Variants in ARHGAP10 observed in about 807,000 individuals in gnomAD.
ARHGAP10 encodes rho GTPase-activating protein 10.
A neutral mutation model predicts 108.6 loss-of-function variants in ARHGAP10; 87 were observed. The ratio of observed to expected loss-of-function variants is 0.80; its 90% CI spans 0.67 to 0.96. The LOEUF is 0.96. Ranked by LOEUF, ARHGAP10 falls within the 40% of genes least tolerant of loss-of-function variation. The pLI is 0.00. For synonymous variants in ARHGAP10, 347 were observed against 341.1 expected, an observed-to-expected ratio of 1.02 and a Z score of -0.19; for missense variants, 939 against 954.5, an observed-to-expected ratio of 0.98 and a Z score of 0.21.
rs146039785 is a variant in ARHGAP10, at chr4:147,734,327, T to A, written c.154+1872T>A. ...CAGCCAGTGCATCTGGGGGGCCAGA[T>A]GTCAGCTTTCCTCCAGACTGTAGAC... On this transcript the variant is annotated intron_variant, in intron 1 of 22. Coordinates refer to ENST00000336498, the MANE Select transcript of ARHGAP10 (RefSeq NM_024605.4). 3.9e-3 allele frequency among the ~76,000 whole-genome samples: 587 copies of A among 152,316 alleles called. 5 individuals carry two copies. The highest frequency in any genetic ancestry group is 0.013 in the African/African-American group (549 of 41,574).
At chr4:147,932,075 C>G (rs1252251664) in intron 13 of ARHGAP10, among the ~76,000 whole-genome samples, 1 of 152,120 alleles carries the variant, frequency 6.6e-6, no homozygotes, top group African/African-American at 2.4e-5. Flanking sequence ...AGTTCAACAT[C>G]ATTAATCATT....
chr4:147,964,035 C>T (rs1327082176), intron 16 of ARHGAP10, among the ~76,000 whole-genome samples: 1 of 152,210 alleles, frequency 6.6e-6, no homozygotes, highest in African/African-American at 2.4e-5. Flanking sequence ...CCTTTTTATT[C>T]TGATGTTTTG....
At chr4:147,847,300 A>G (rs1259221650) in intron 4 of ARHGAP10, 78 bp downstream of exon 4, 45 of 1,337,482 alleles carry the variant, frequency 3.4e-5, no homozygotes, top group Non-Finnish European at 4.4e-5. Flanking sequence ...CACATTTGGC[A>G]GCTTTGAAGG....
intron 18 of ARHGAP10, among the ~76,000 whole-genome samples, chr4:147,970,225 A>G (rs1308330663): frequency 3.9e-5 from 6 of 152,116 alleles, no homozygotes; most frequent in Non-Finnish European, 1.5e-5. Context: ...GGATGCGTGG[A>G]TCTATGTTAG....
intron 19 of ARHGAP10, among the ~76,000 whole-genome samples, chr4:148,026,083 A>G (rs1222022727): frequency 6.6e-6 from 1 of 152,122 alleles, no homozygotes; most frequent in African/African-American, 2.4e-5. Flanking sequence ...AGATTTGAGG[A>G]ACTGGATTGG....
intron 1 of ARHGAP10, among the ~76,000 whole-genome samples, chr4:147,781,675 T>C (rs1433915645): frequency 6.9e-6 from 1 of 144,790 alleles, no homozygotes; most frequent in Non-Finnish European, 1.5e-5. Flanking sequence ...TTTTTTCTTT[T>C]CTTTTCTTTT....
intron 7 of ARHGAP10, among the ~76,000 whole-genome samples, chr4:147,867,246 C>T (rs1734603795): frequency 1.3e-5 from 2 of 152,136 alleles, no homozygotes; most frequent in African/African-American, 4.8e-5. Context: ...TTGGTGTTTA[C>T]AGTTGCTATT....
At chr4:147,741,808 A>G (rs910606542) in intron 1 of ARHGAP10, among the ~76,000 whole-genome samples, 16 of 147,634 alleles carry the variant, frequency 1.1e-4, no homozygotes, top group Non-Finnish European at 1.8e-4. Flanking sequence ...ACACACACAC[A>G]CACACACACA....
At chr4:147,983,352 A>AT (rs1739905398) in intron 18 of ARHGAP10, among the ~76,000 whole-genome samples, 1 of 150,898 alleles carries the variant, frequency 6.6e-6, no homozygotes, top group East Asian at 2.0e-4. Flanking sequence ...CGCCCAGCTA[A>AT]TTTTTTGTAT....
chr4:147,904,591 A>G (rs993126257), intron 10 of ARHGAP10, among the ~76,000 whole-genome samples: 1 of 152,176 alleles, frequency 6.6e-6, no homozygotes, highest in African/African-American at 2.4e-5. Flanking sequence ...ATAGTATTCC[A>G]TGATGTATAT....
intron 18 of ARHGAP10, among the ~76,000 whole-genome samples, chr4:148,005,620 A>G (rs1394248319): frequency 2.0e-5 from 3 of 152,190 alleles, no homozygotes; most frequent in African/African-American, 7.2e-5. Context: ...CAATTTGACT[A>G]ATCTGTTGGG....
chr4:147,788,571 A>T (rs1730991071), intron 1 of ARHGAP10, among the ~76,000 whole-genome samples: 1 of 152,164 alleles, frequency 6.6e-6, no homozygotes, highest in Non-Finnish European at 1.5e-5. Flanking sequence ...AGATCAGCAC[A>T]TGGGGCTGGG....
Position 147,885,776 on chromosome 4 carries a change from A to G in ARHGAP10, c.1034+3844A>G, listed in dbSNP as rs114894739. Reference sequence around the variant, plus strand: ...GCTCCTTTAAATGTTGCCATTTCCTATAGTTGTTTTTCTGTATCCATCCAT... The same window carrying G: ...GCTCCTTTAAATGTTGCCATTTCCTGTAGTTGTTTTTCTGTATCCATCCAT... On this transcript the variant is annotated intron_variant, in intron 10 of 22. Coordinates refer to ENST00000336498, the MANE Select transcript of ARHGAP10 (RefSeq NM_024605.4). Among the ~76,000 whole-genome samples the G allele has an allele frequency of 7.4e-3, 1,132 of 152,178 alleles. 15 individuals carry two copies. The highest frequency in any genetic ancestry group is 0.011 in the Non-Finnish European group (771 of 68,014).
chr4:147,849,063 T>C (rs994721157), intron 4 of ARHGAP10, among the ~76,000 whole-genome samples: 1 of 152,208 alleles, frequency 6.6e-6, no homozygotes, highest in Non-Finnish European at 1.5e-5. Context: ...CCTATGGATG[T>C]CACCTGTGAA....
intron 1 of ARHGAP10, among the ~76,000 whole-genome samples, chr4:147,820,272 A>G (rs1732430290): frequency 6.6e-6 from 1 of 152,092 alleles, no homozygotes; most frequent in African/African-American, 2.4e-5. Context: ...TACATTAGGA[A>G]CTAAGTTATT....
intron 18 of ARHGAP10, among the ~76,000 whole-genome samples, chr4:147,976,057 G>A (rs944852230): frequency 2.0e-4 from 30 of 152,282 alleles, no homozygotes; most frequent in African/African-American, 6.7e-4. Context: ...AGTATCCACT[G>A]CTTCATTCCT....
intron 1 of ARHGAP10, among the ~76,000 whole-genome samples, chr4:147,795,594 G>A (rs1731285206): frequency 1.3e-5 from 2 of 152,024 alleles, no homozygotes. Flanking sequence ...TAGTATTCAC[G>A]TGGTGCTTGG....
chr4:147,860,097 C>G (rs1734252249), intron 5 of ARHGAP10, among the ~76,000 whole-genome samples: 2 of 152,176 alleles, frequency 1.3e-5, no homozygotes, highest in Admixed American at 6.5e-5. Context: ...TGATACTGAA[C>G]AAAGGCTTAG....
At chr4:147,755,225 T>C (rs943421638) in intron 1 of ARHGAP10, among the ~76,000 whole-genome samples, 1 of 152,198 alleles carries the variant, frequency 6.6e-6, no homozygotes, top group Non-Finnish European at 1.5e-5. Flanking sequence ...AAAAATATCA[T>C]TTTGTTCTCA....
Sources: gnomAD v4.1 joint callset for allele counts (sites outside exome capture counted in the v4.1 genomes callset) on GRCh38, gnomAD v4.1.1 for gene constraint, MANE v1.5 for transcripts, NCBI Gene and HGNC (gene_info 2026-07-23, HGNC 2026-07-21) for gene names.